The following COL5A2 variants were observed in gnomAD, a reference collection of about 807,000 sequenced individuals.
The protein encoded by COL5A2 is collagen type V alpha 2 chain, also known as collagen alpha-2(V) chain.
In COL5A2, 23 loss-of-function variants were observed where a neutral mutation model predicts 208.2. The observed-to-expected ratio is 0.11, with a 90% CI of 0.08 to 0.16. The LOEUF (loss-of-function observed/expected upper bound fraction) is 0.16. Among genes scored for constraint, COL5A2 ranks in the 10% least tolerant of loss-of-function variants. The pLI, the probability that COL5A2 is intolerant of heterozygous loss-of-function variation, is 1.00. For missense variants in COL5A2, 1,590 were observed against 1,956.4 expected (o/e 0.81, Z 3.53); for synonymous variants, 625 against 628.5 (o/e 0.99, Z 0.08).
chr2:189,064,926 G>A, intron 24 of COL5A2, 78 bp downstream of exon 24: 2 of 1,368,402 alleles, frequency 1.5e-6, no homozygotes, highest in Non-Finnish European at 1.0e-6. Context: ...GCAGGCCATA[G>A]CTAGATCACC....
intron 43 of COL5A2, 60 bp downstream of exon 43, chr2:189,050,509 T>C: frequency 7.5e-7 from 1 of 1,340,342 alleles, no homozygotes; most frequent in South Asian, 1.3e-5. Flanking sequence ...ATAAAATCAA[T>C]TCTCTAAACA....
At chr2:189,405,231 CT>C in the COL5A2 span, among the ~76,000 whole-genome samples, 2 of 150,640 alleles carry the variant, frequency 1.3e-5, no homozygotes, top group South Asian at 2.1e-4. Flanking sequence ...AATTAAATGC[CT>C]TTTTTTTCTT....
At chr2:189,118,595 T>C (rs896328594) in intron 1 of COL5A2, among the ~76,000 whole-genome samples, 1 of 152,120 alleles carries the variant, frequency 6.6e-6, no homozygotes, top group Non-Finnish European at 1.5e-5. Flanking sequence ...ATCCCATTCA[T>C]TTCAGTACCA....
At chr2:189,429,473 G>A in the COL5A2 span, among the ~76,000 whole-genome samples, 1 of 152,182 alleles carries the variant, frequency 6.6e-6, no homozygotes, top group South Asian at 2.1e-4. Flanking sequence ...CTGGGGGTAT[G>A]AGATTTTAAA....
chr2:189,068,176 T>C (rs751143254), intron 20 of COL5A2, 50 bp downstream of exon 20: 1 of 1,607,946 alleles, frequency 6.2e-7, no homozygotes, highest in Non-Finnish European at 8.5e-7. Context: ...GGCCAATGTC[T>C]AAAGAATCAT....
chr2:189,436,367 G>A, the COL5A2 span, among the ~76,000 whole-genome samples: 1 of 152,104 alleles, frequency 6.6e-6, no homozygotes, highest in African/African-American at 2.4e-5. Flanking sequence ...AATGGGAGGT[G>A]CCTGTTGTGG....
intron 1 of COL5A2, among the ~76,000 whole-genome samples, chr2:189,167,663 G>GTT (rs1576569574): frequency 1.5e-5 from 1 of 67,816 alleles, no homozygotes; most frequent in Non-Finnish European, 3.1e-5. Context: ...AGAAAGAAGT[G>GTT]ATTTTTTTTT....
At chr2:189,130,536 C>T (rs1026036795) in intron 1 of COL5A2, among the ~76,000 whole-genome samples, 2 of 152,034 alleles carry the variant, frequency 1.3e-5, no homozygotes, top group Admixed American at 6.6e-5. Flanking sequence ...GTACCCCTTA[C>T]ACCTAGCAAG....
chr2:189,122,832 G>A (rs34556340), intron 1 of COL5A2, among the ~76,000 whole-genome samples: 1,551 of 152,290 alleles, frequency 0.01, 27 homozygotes, highest in African/African-American at 0.036. Context: ...AGAAATAAAT[G>A]AGACCAAAGG....
the COL5A2 span, among the ~76,000 whole-genome samples, chr2:189,423,588 T>G: frequency 6.6e-6 from 1 of 152,058 alleles, no homozygotes; most frequent in African/African-American, 2.4e-5. Flanking sequence ...GAGACTATTA[T>G]GAACAATTAT....
chr2:189,105,692 T>G (rs1411555376), intron 2 of COL5A2, among the ~76,000 whole-genome samples: 1 of 151,500 alleles, frequency 6.6e-6, no homozygotes, highest in Non-Finnish European at 1.5e-5. Flanking sequence ...TTTTTATGCC[T>G]TCTGGGCTTT....
chr2:189,113,833 T>C (rs896337756), intron 1 of COL5A2, among the ~76,000 whole-genome samples: 5 of 151,746 alleles, frequency 3.3e-5, no homozygotes, highest in Non-Finnish European at 4.4e-5. Context: ...TGACACGTAA[T>C]GATGTCAATT....
Position 189,053,907 on chromosome 2 carries a change from G to T in COL5A2, c.2487C>A (p.Ser829=), listed in dbSNP as rs139194802. 1 of 1,613,850 alleles carries T rather than the reference G, an allele frequency of 6.2e-7. No homozygotes were observed. Residue 829 remains serine (S), a synonymous_variant, in exon 37 of 54, where the codon TCC becomes TCA. Transcript: ENST00000374866. The part of the protein sequence containing the change: ...GPRGLVGPPG[S]RGNPGSRGEN... ...TACTGTCACTTACAGGATTGCCCCG[G>T]GAGCCAGGAGGGCCAACTAAACCTC...
intron 1 of COL5A2, among the ~76,000 whole-genome samples, chr2:189,112,682 T>A (rs1034830536): frequency 6.6e-6 from 1 of 152,228 alleles, no homozygotes; most frequent in African/African-American, 2.4e-5. Context: ...AATACATATC[T>A]AATCAACAAA....
the COL5A2 span, among the ~76,000 whole-genome samples, chr2:189,340,237 T>C: frequency 1.3e-5 from 2 of 152,182 alleles, no homozygotes; most frequent in South Asian, 4.1e-4. Flanking sequence ...ATACCATTGC[T>C]GGAGTAGTGT....
chr2:189,279,399 T>C, the COL5A2 span, among the ~76,000 whole-genome samples: 1 of 151,702 alleles, frequency 6.6e-6, no homozygotes, highest in Non-Finnish European at 1.5e-5. Context: ...GAAACCTATG[T>C]CATATTAATA....
At chr2:189,293,276 A>G in the COL5A2 span, among the ~76,000 whole-genome samples, 3 of 152,126 alleles carry the variant, frequency 2.0e-5, no homozygotes, top group Non-Finnish European at 4.4e-5. Flanking sequence ...AAAAAAAAAG[A>G]GCCTGCGTGC....
chr2:189,085,551 A>T (rs554306263), intron 10 of COL5A2, among the ~76,000 whole-genome samples, 168 bp downstream of exon 10: 1 of 152,216 alleles, frequency 6.6e-6, no homozygotes, highest in Non-Finnish European at 1.5e-5. Context: ...ATATTCTGCT[A>T]TGAGAAACAT....
the COL5A2 span, among the ~76,000 whole-genome samples, chr2:189,309,926 T>A: frequency 6.6e-6 from 1 of 152,204 alleles, no homozygotes; most frequent in Admixed American, 6.5e-5. Context: ...TGACCAGGCT[T>A]AGTTACATGG....
Sources: allele counts gnomAD v4.1 joint callset (sites outside exome capture counted in the v4.1 genomes callset), GRCh38; gene constraint gnomAD v4.1.1; transcripts MANE v1.5; gene names NCBI Gene and HGNC (gene_info 2026-07-23, HGNC 2026-07-21).